The following PCNT variants were observed in gnomAD, a reference collection of about 807,000 sequenced individuals.
PCNT encodes the protein kendrin.
PCNT carries 319 observed loss-of-function variants against 380.4 expected under a neutral mutation model. The ratio of observed to expected loss-of-function variants is 0.84; its 90% CI spans 0.77 to 0.92. The LOEUF (loss-of-function observed/expected upper bound fraction) is 0.92, where lower values mean the gene tolerates loss of function less well. Among genes scored for constraint, PCNT ranks in the 40% least tolerant of loss-of-function variants. The pLI is 0.00. For missense variants in PCNT, 4,400 were observed against 4,255.3 expected (o/e 1.03, Z -0.95); for synonymous variants, 1,845 against 1,735.2 (o/e 1.06, Z -1.57).
At chr21:46,356,119 G>A (rs2146709145) in intron 12 of PCNT, among the ~76,000 whole-genome samples, 1 of 152,330 alleles carries the variant, frequency 6.6e-6, no homozygotes, top group South Asian at 2.1e-4. Context: ...CAGAGTCGCG[G>A]TCCCATGGCG....
At chr21:46,373,977 C>G (rs1364089892) in intron 15 of PCNT, among the ~76,000 whole-genome samples, 1 of 152,134 alleles carries the variant, frequency 6.6e-6, no homozygotes, top group East Asian at 1.9e-4. Flanking sequence ...ATCTGTCCGT[C>G]TTGGCCTCCC....
chr21:46,367,527 C>T (rs796155824), intron 15 of PCNT, among the ~76,000 whole-genome samples: 8 of 152,204 alleles, frequency 5.3e-5, no homozygotes, highest in African/African-American at 7.2e-5. Flanking sequence ...AGGCTGGTCT[C>T]GAACTCCTGA....
intron 27 of PCNT, among the ~76,000 whole-genome samples, chr21:46,408,913 G>A (rs1342910723): frequency 2.0e-5 from 3 of 151,736 alleles, no homozygotes; most frequent in African/African-American, 4.8e-5. Flanking sequence ...TAGTAGAGAC[G>A]GGGTTTCATC....
chr21:46,404,166 G>A (rs893594706), intron 27 of PCNT, among the ~76,000 whole-genome samples: 1 of 151,870 alleles, frequency 6.6e-6, no homozygotes, highest in African/African-American at 2.4e-5. Context: ...CGTGGCGCGT[G>A]CTCGGTGAAT....
intron 27 of PCNT, among the ~76,000 whole-genome samples, chr21:46,406,015 T>G (rs1484036940): frequency 6.6e-6 from 1 of 152,222 alleles, no homozygotes; most frequent in Non-Finnish European, 1.5e-5. Flanking sequence ...AAAGTAAAAT[T>G]CCATTTAAAG....
chr21:46,383,485 A>C (rs566513501), intron 16 of PCNT, among the ~76,000 whole-genome samples: 1 of 137,946 alleles, frequency 7.2e-6, no homozygotes, highest in African/African-American at 2.7e-5. Flanking sequence ...AGTGTTGTAT[A>C]TTCAGTGGCG....
At chr21:46,376,443 G>A (rs923410248) in intron 15 of PCNT, among the ~76,000 whole-genome samples, 1 of 152,226 alleles carries the variant, frequency 6.6e-6, no homozygotes, top group African/African-American at 2.4e-5. Context: ...ACAGGCTGAC[G>A]CTGTGGATGC....
chr21:46,363,428 TA>T, intron 13 of PCNT, 51 bp from the exon 14 acceptor site: 1 of 1,465,326 alleles, frequency 6.8e-7, no homozygotes, highest in Non-Finnish European at 9.5e-7. Context: ...TCTCTTCTAA[TA>T]ATCTCTTCCA....
chr21:46,393,604 C>T (rs1042556847), intron 21 of PCNT, among the ~76,000 whole-genome samples: 4 of 152,194 alleles, frequency 2.6e-5, no homozygotes, highest in South Asian at 4.1e-4. Flanking sequence ...CCAGTCACTT[C>T]GTTTGTCAGG....
At position 46,427,843 on chromosome 21, in the gene PCNT, G is replaced by A. The variant is rs55937012; in HGVS notation, c.7494+48G>A. On this transcript the variant is annotated intron_variant, in intron 34 of 46. Transcript: ENST00000359568. ...GGCCTCAGTTTGCCCCAGGGGTCCAGCCCTGGCAGAGAGGGTGACACAGAC... is the reference window on the plus strand; with the variant it reads ...GGCCTCAGTTTGCCCCAGGGGTCCAACCCTGGCAGAGAGGGTGACACAGAC... 144,240 of 1,586,472 alleles carry A rather than the reference G, an allele frequency of 0.091. 11,881 individuals are homozygous for A. Among genetic ancestry groups the A allele is most frequent in the African/African-American group, 0.44 (32,946 of 74,578 alleles).
intron 15 of PCNT, among the ~76,000 whole-genome samples, chr21:46,367,992 A>G (rs923166512): frequency 6.6e-6 from 1 of 152,096 alleles, no homozygotes; most frequent in Non-Finnish European, 1.5e-5. Context: ...GTGGGCTACG[A>G]AAATTAAAAA....
intron 9 of PCNT, among the ~76,000 whole-genome samples, chr21:46,352,026 A>G (rs1043352771): frequency 6.6e-6 from 1 of 152,076 alleles, no homozygotes; most frequent in Non-Finnish European, 1.5e-5. Context: ...GGAGACCCCG[A>G]CCCCAGGCCC....
intron 27 of PCNT, among the ~76,000 whole-genome samples, chr21:46,408,535 C>T (rs949596378): frequency 1.3e-5 from 2 of 152,068 alleles, no homozygotes; most frequent in Admixed American, 6.6e-5. Flanking sequence ...ATGAGTGTTC[C>T]GGGTAACCAC....
intron 32 of PCNT, among the ~76,000 whole-genome samples, chr21:46,424,697 G>A (rs376049142): frequency 0.02 from 328 of 16,572 alleles, 2 homozygotes; most frequent in African/African-American, 0.065. Flanking sequence ...CTGCTCCCCC[G>A]GCCCTGCTCC....
chr21:46,324,530 C>T (rs1384306083), intron 1 of PCNT, among the ~76,000 whole-genome samples: 1 of 135,578 alleles, frequency 7.4e-6, no homozygotes, highest in African/African-American at 2.9e-5. Context: ...CGCGGCGCCT[C>T]TCGGGCGGGC....
chr21:46,383,900 A>ATG (rs2085706018), intron 16 of PCNT, among the ~76,000 whole-genome samples: 2 of 122,384 alleles, frequency 1.6e-5, no homozygotes, highest in African/African-American at 6.2e-5. Context: ...ATTCAGTGGC[A>ATG]GAAGCGCATT....
rs565725537 is a variant in PCNT, at chr21:46,442,243, G to A, written c.9624-254G>A. ...GTGTCTAGGGGACCATATGGTCCACGGTGGGGCCGCAGTGAGGCTTTGTCA... is the reference window on the plus strand; with the variant it reads ...GTGTCTAGGGGACCATATGGTCCACAGTGGGGCCGCAGTGAGGCTTTGTCA... On this transcript the variant is annotated intron_variant, in intron 43 of 46. Coordinates refer to ENST00000359568, the MANE Select transcript of PCNT (RefSeq NM_006031.6). 1.7e-4 allele frequency among the ~76,000 whole-genome samples: 26 copies of A among 152,244 alleles called. 1 individual carries two copies. Among genetic ancestry groups the A allele is most frequent in the East Asian group, 1.2e-3 (6 of 5,148 alleles).
At chr21:46,403,403 C>T (rs1177110770) in intron 27 of PCNT, among the ~76,000 whole-genome samples, 5 of 138,056 alleles carry the variant, frequency 3.6e-5, no homozygotes, top group African/African-American at 5.6e-5. Context: ...GGTGCCCACG[C>T]GGCGCGTGAT....
Position 46,431,922 on chromosome 21 carries a change from C to T in PCNT, c.8458C>T (p.Gln2820Ter). 2.5e-6 allele frequency: 4 copies of T among 1,614,104 alleles called. No homozygotes were observed. Among genetic ancestry groups the T allele is most frequent in the Non-Finnish European group, 3.4e-6 (4 of 1,180,044 alleles). The change falls in exon 38 of 47, where the codon CAG becomes TAG. Residue 2820 changes from glutamine (Q) to a stop codon, truncating the protein, a stop_gained. Coordinates refer to ENST00000359568, the MANE Select transcript of PCNT (RefSeq NM_006031.6). LOFTEE classifies it high-confidence loss of function. ...KVQQQALHSQ[Q>*]QLEAEAQKHC... ...GCAGCAGCAAGCCCTGCATTCTCAG[C>T]AGCAGCTTGAGGCTGAGGCTCAGAA...
Sources: allele counts gnomAD v4.1 joint callset (sites outside exome capture counted in the v4.1 genomes callset), GRCh38; gene constraint gnomAD v4.1.1; transcripts MANE v1.5; gene names NCBI Gene and HGNC (gene_info 2026-07-23, HGNC 2026-07-21).